The following OR51L1 variants were observed in gnomAD, a reference collection of about 807,000 sequenced individuals.
OR51L1 encodes olfactory receptor 51L1.
OR51L1 carries 1 observed loss-of-function variant against 1.4 expected under a neutral mutation model. The ratio of observed to expected loss-of-function variants is 0.72; its 90% CI spans 0.26 to 3.42. OR51L1 has a LOEUF of 3.42. Among genes scored for constraint, OR51L1 ranks in the 30% most tolerant of loss-of-function variants. OR51L1 has a pLI of 0.20. For synonymous variants in OR51L1, 156 were observed against 144.2 expected (o/e 1.08, Z -0.59); for missense variants, 378 against 380.0 (o/e 0.99, Z 0.04).
Position 5,001,787 on chromosome 11 carries a change from C to T in OR51L1, c.*1857C>T, listed in dbSNP as rs1847133746. The T allele has an allele frequency of 6.6e-6, 1 of 152,074 alleles. No homozygotes were observed. The highest frequency in any genetic ancestry group is 1.5e-5 in the Non-Finnish European group (1 of 68,022). The allele number at this position is 152,074 out of a possible 1,614,324, so 9.4% of individuals were successfully genotyped here. Reference sequence around the variant, plus strand: ...ATCACAGCACTATACAGCTGGTCTTCCCCAACAATCATGAGTACTCATTAA... The same window carrying T: ...ATCACAGCACTATACAGCTGGTCTTTCCCAACAATCATGAGTACTCATTAA... On this transcript the variant is annotated 3_prime_UTR_variant, in exon 3 of 3. Coordinates refer to ENST00000641819, the MANE Select transcript of OR51L1 (RefSeq NM_001004755.2).
At position 5,003,797 on chromosome 11, in the gene OR51L1, A is replaced by C. The variant is rs1847152467; in HGVS notation, c.*3867A>C. The C allele has an allele frequency of 6.6e-6, 1 of 152,166 alleles. No individual in the cohort carries two copies. The highest frequency in any genetic ancestry group is 1.5e-5 in the Non-Finnish European group (1 of 68,016). The allele number at this position is 152,166 out of a possible 1,614,324, so 9.4% of individuals were successfully genotyped here. ...ACCTATAATTCAAGTTGACATTGTG[A>C]GATGTATGTATACAACCATCTTCTA... On this transcript the variant is annotated 3_prime_UTR_variant, in exon 3 of 3. Transcript: ENST00000641819.
In OR51L1 at chr11:5,005,423, C is replaced by A. The variant is rs901155448; in HGVS notation, c.*5493C>A. ...CAACCTACATGCCTCCCCCTTCCCC[C>A]TTTTAAGGAAATGGATAAATACACA... is the stretch of plus-strand genomic sequence containing the variant. On this transcript the variant is annotated 3_prime_UTR_variant, in exon 3 of 3. Coordinates refer to ENST00000641819, the MANE Select transcript of OR51L1 (RefSeq NM_001004755.2). 6.6e-6 allele frequency: 1 copy of A among 152,106 alleles called. No homozygotes were observed. Among genetic ancestry groups the A allele is most frequent in the African/African-American group, 2.4e-5 (1 of 41,416 alleles). 9.4% of individuals were successfully genotyped at this position (152,106 alleles called of 1,614,324 possible). A position where few individuals can be genotyped will look rare whatever the true frequency, so the allele number is the denominator to read the frequency against.
At position 4,998,866 on chromosome 11, in the gene OR51L1, C is replaced by T. The variant is rs796783873; in HGVS notation, c.-117C>T. The T allele has an allele frequency of 3.0e-5, 34 of 1,140,190 alleles. No homozygotes were observed. The African/African-American group carries it at 3.4e-4, about 11-fold the overall frequency. 70.6% of individuals were successfully genotyped at this position (1,140,190 alleles called of 1,614,324 possible). On this transcript the variant is annotated 5_prime_UTR_variant, in exon 3 of 3. The change creates a new upstream start codon in the 5' untranslated region. Transcript: ENST00000641819. ...AGCTTCCTTCCTCTGTGAGGTTAGA[C>T]GAAAGATGTATTTTTGTCCTCATTC...
Position 4,999,413 on chromosome 11 carries a change from G to T in OR51L1, c.431G>T (p.Gly144Val), listed in dbSNP as rs371583016. ...ACCATCCTCACCAACAGTGTAATTG[G>T]CAAAATTGGTTTGGCCTGTTTGCTA... Reference protein sequence around the residue: ...YPTILTNSVIGKIGLACLLRS... With the variant: ...YPTILTNSVIVKIGLACLLRS... The change falls in exon 3 of 3, where the codon GGC becomes GTC. Residue 144 changes from glycine to valine, a missense_variant. By Grantham distance (109) the Gly-to-Val change is moderately radical. Coordinates refer to ENST00000641819, the MANE Select transcript of OR51L1 (RefSeq NM_001004755.2). 33 of 1,614,004 alleles carry T rather than the reference G, an allele frequency of 2.0e-5. No homozygotes were observed. Among genetic ancestry groups the T allele is most frequent in the Non-Finnish European group, 2.7e-5 (32 of 1,180,034 alleles).
Position 5,000,442 on chromosome 11 carries a change from C to A in OR51L1, c.*512C>A, listed in dbSNP as rs1421685794. 1.9e-5 allele frequency: 3 copies of A among 156,090 alleles called. No individual in the cohort carries two copies. In the East Asian group the frequency reaches 5.7e-4, roughly 30 times the overall value. The allele number at this position is 156,090 out of a possible 1,614,324, so 9.7% of individuals were successfully genotyped here. A position where few individuals can be genotyped will look rare whatever the true frequency, so the allele number is the denominator to read the frequency against. ...CTTGAGTTCCTGACAGGATTTTGAC[C>A]TGCTGCTGTGGCCATTTGCTATGTA... is the stretch of plus-strand genomic sequence containing the variant. On this transcript the variant is annotated 3_prime_UTR_variant, in exon 3 of 3. Transcript: ENST00000641819.
Position 5,000,075 on chromosome 11 carries a change from C to G in OR51L1, c.*145C>G, listed in dbSNP as rs991092542. The G allele has an allele frequency of 1.1e-6, 1 of 896,658 alleles. No homozygotes were observed. 55.5% of individuals were successfully genotyped at this position (896,658 alleles called of 1,614,324 possible). ...ACATGTAATTTCAGTTAATCTTTAA[C>G]CAATATGAAACTCAGGATTTTTTTG... On this transcript the variant is annotated 3_prime_UTR_variant, in exon 3 of 3. Coordinates refer to ENST00000641819, the MANE Select transcript of OR51L1 (RefSeq NM_001004755.2).
chr11:4,995,668 T>C (rs1847062062), intron 1 of OR51L1, among the ~76,000 whole-genome samples: 1 of 152,098 alleles, frequency 6.6e-6, no homozygotes, highest in Non-Finnish European at 1.5e-5. Context: ...AGCCTATTCA[T>C]GCCTCTGCCC....
rs375372249 is a variant in OR51L1 at position 4,999,736 on chromosome 11, A to G, written c.754A>G (p.Ile252Val). Reference sequence around the variant, plus strand: ...TGTATCCCATATCTGTGTGGTGCTTATCTTCTTTGTGCCAGTTATTGGGGT... The same window carrying G: ...TGTATCCCATATCTGTGTGGTGCTTGTCTTCTTTGTGCCAGTTATTGGGGT... ...TCVSHICVVLIFFVPVIGVSM... is the reference protein window; with the variant it reads ...TCVSHICVVLVFFVPVIGVSM... The change falls in exon 3 of 3, where the codon ATC becomes GTC. Residue 252 changes from isoleucine (I) to valine (V), a missense_variant. Coordinates refer to ENST00000641819, the MANE Select transcript of OR51L1 (RefSeq NM_001004755.2). 6.2e-7 allele frequency: 1 copy of G among 1,614,052 alleles called. No individual in the cohort carries two copies. Among genetic ancestry groups the G allele is most frequent in the East Asian group, 2.2e-5 (1 of 44,866 alleles).
intron 1 of OR51L1, among the ~76,000 whole-genome samples, chr11:4,996,408 AC>A (rs1348403782): frequency 2.0e-5 from 3 of 152,076 alleles, no homozygotes; most frequent in Admixed American, 6.6e-5. Context: ...GCCTGTCCTA[AC>A]CTCAAATCTA....
Position 4,999,194 on chromosome 11 carries a change from A to G in OR51L1, c.212A>G (p.Asn71Ser). 1 of 1,614,090 alleles carries G rather than the reference A, an allele frequency of 6.2e-7. No homozygotes were observed. The highest frequency in any genetic ancestry group is 1.7e-5 in the Admixed American group (1 of 60,016). Residue 71 changes from asparagine (N) to serine (S), a missense_variant, in exon 3 of 3, where the codon AAT becomes AGT. Asn to Ser is a conservative substitution (Grantham distance 46). Transcript: ENST00000641819. ...TACTTTATTTCCATCTTAGCAGTGAATGACCTGGGGATGTCCCTGTCTACA... is the reference window on the plus strand; with the variant it reads ...TACTTTATTTCCATCTTAGCAGTGAGTGACCTGGGGATGTCCCTGTCTACA... ...MYYFISILAV[N>S]DLGMSLSTLP...
intron 2 of OR51L1, among the ~76,000 whole-genome samples, chr11:4,998,194 AACACACACACACACACACAC>A (rs3066001): frequency 4.1e-5 from 6 of 145,884 alleles, no homozygotes; most frequent in Middle Eastern, 3.5e-3. Flanking sequence ...TTATTTCACA[AACACACACACACACACACAC>A]ACACACACAC....
rs1847136160 is a variant in OR51L1 at position 5,002,038 on chromosome 11, C to A, written c.*2108C>A. The stretch of plus-strand genomic sequence containing the variant: ...ACTTGAGGATTTAAGAATCAGTAAT[C>A]AGAGTAGTTGACACTTTCACTGTGC... On this transcript the variant is annotated 3_prime_UTR_variant, in exon 3 of 3. Coordinates refer to ENST00000641819, the MANE Select transcript of OR51L1 (RefSeq NM_001004755.2). The A allele has an allele frequency of 6.6e-6, 1 of 152,112 alleles. No homozygotes were observed. The highest frequency in any genetic ancestry group is 2.4e-5 in the African/African-American group (1 of 41,410). 9.4% of individuals were successfully genotyped at this position (152,112 alleles called of 1,614,324 possible).
chr11:4,996,566 A>C (rs1325914641), intron 1 of OR51L1, among the ~76,000 whole-genome samples: 1 of 152,122 alleles, frequency 6.6e-6, no homozygotes, highest in Non-Finnish European at 1.5e-5. Context: ...AATATGATTT[A>C]TTTCAGGACT....
In OR51L1 at chr11:4,998,953, T is replaced by C; in HGVS notation, c.-30T>C. The stretch of plus-strand genomic sequence containing the variant: ...CAGGAAGGAAAACACGAACCATTCC[T>C]CACTACTTGCTGAATTACTCAAAGT... On this transcript the variant is annotated 5_prime_UTR_variant, in exon 3 of 3. Coordinates refer to ENST00000641819, the MANE Select transcript of OR51L1 (RefSeq NM_001004755.2). 1 of 1,593,674 alleles carries C rather than the reference T, an allele frequency of 6.3e-7. No individual in the cohort carries two copies. The highest frequency in any genetic ancestry group is 2.2e-5 in the East Asian group (1 of 44,628).
At position 4,999,561 on chromosome 11, in the gene OR51L1, T is replaced by C; in HGVS notation, c.579T>C (p.Asp193=). Reference sequence around the variant, plus strand: ...ATGTTCTAAGATTATCCTGTACAGATGCCAGGACCAACAGTATTTATGGGC... The same window carrying C: ...ATGTTCTAAGATTATCCTGTACAGACGCCAGGACCAACAGTATTTATGGGC... The part of the protein sequence containing the change: ...HQDVLRLSCT[D]ARTNSIYGLC... The change falls in exon 3 of 3, where the codon GAT becomes GAC. Residue 193 remains aspartate (D), a synonymous_variant. Transcript: ENST00000641819. 1 of 1,613,962 alleles carries C rather than the reference T, an allele frequency of 6.2e-7. No individual in the cohort carries two copies. The highest frequency in any genetic ancestry group is 8.5e-7 in the Non-Finnish European group (1 of 1,179,940).
rs1180965666 is a variant in OR51L1 at position 4,999,032 on chromosome 11, G to C, written c.50G>C (p.Arg17Thr). Residue 17 changes from arginine (R) to threonine (T), a missense_variant, in exon 3 of 3, where the codon AGG becomes ACG. By Grantham distance (71) the Arg-to-Thr change is moderately conservative. Transcript: ENST00000641819. Reference sequence around the variant, plus strand: ...GCTGTGGAGCCCATATTTATCCTGAGGGGTTTTCCTGGACTGGAGTATGTT... The same window carrying C: ...GCTGTGGAGCCCATATTTATCCTGACGGGTTTTCCTGGACTGGAGTATGTT... The part of the protein sequence containing the change: ...SDAVEPIFIL[R>T]GFPGLEYVHS... 6.2e-7 allele frequency: 1 copy of C among 1,614,052 alleles called. No individual in the cohort carries two copies.
At chr11:4,996,733 C>CTTTCTTTCTTTT (rs1847075265) in intron 1 of OR51L1, among the ~76,000 whole-genome samples, 1 of 126,876 alleles carries the variant, frequency 7.9e-6, no homozygotes, top group Non-Finnish European at 1.7e-5. Context: ...TTCTTTCTTT[C>CTTTCTTTCTTTT]TTTCTTTCTT....
rs1847109754 is a variant in OR51L1 at position 4,999,661 on chromosome 11, G to C, written c.679G>C (p.Val227Leu). ...TTCTTATGTTCTGATTCTTAATACT[G>C]TGCTGGATATTGCATCTCGTGAAGA... The part of the protein sequence containing the change: ...LLSYVLILNT[V>L]LDIASREEQL... The change falls in exon 3 of 3, where the codon GTG (valine) becomes CTG (leucine). Residue 227 changes from valine (V) to leucine (L), a missense_variant. Physicochemically the swap from Val to Leu is conservative, Grantham distance 32 (BLOSUM62 1). Transcript: ENST00000641819. 1.9e-6 allele frequency: 3 copies of C among 1,613,902 alleles called. No homozygotes were observed. The highest frequency in any genetic ancestry group is 2.7e-5 in the African/African-American group (2 of 74,954).
Position 5,002,741 on chromosome 11 carries a change from T to G in OR51L1, c.*2811T>G, listed in dbSNP as rs771781419. ...TGGACAAGGCTATCTTCAGGCCTGATTCACAGGTCAACTTTTCCCTCTGCC... is the reference window on the plus strand; with the variant it reads ...TGGACAAGGCTATCTTCAGGCCTGAGTCACAGGTCAACTTTTCCCTCTGCC... On this transcript the variant is annotated 3_prime_UTR_variant, in exon 3 of 3. Transcript: ENST00000641819. The G allele has an allele frequency of 9.2e-5, 14 of 152,186 alleles. No homozygotes were observed. The highest frequency in any genetic ancestry group is 1.9e-4 in the Non-Finnish European group (13 of 68,052). 9.4% of individuals were successfully genotyped at this position (152,186 alleles called of 1,614,324 possible). A position where few individuals can be genotyped will look rare whatever the true frequency, so the allele number is the denominator to read the frequency against.
Sources: gnomAD v4.1 joint callset for allele counts (sites outside exome capture counted in the v4.1 genomes callset) on GRCh38, gnomAD v4.1.1 for gene constraint, MANE v1.5 for transcripts, NCBI Gene and HGNC (gene_info 2026-07-23, HGNC 2026-07-21) for gene names.